The following TOGARAM2 variants were observed in gnomAD, a reference collection of about 807,000 sequenced individuals.
TOGARAM2 encodes the protein TOG array regulator of axonemal microtubules protein 2.
TOGARAM2 carries 85 observed loss-of-function variants against 93.3 expected under a neutral mutation model. The observed-to-expected ratio is 0.91, with a 90% CI of 0.76 to 1.09. The LOEUF (loss-of-function observed/expected upper bound fraction) is 1.09, where lower values mean the gene tolerates loss of function less well. TOGARAM2 is among the 50% of genes least tolerant of loss of function. The pLI is 0.00. For missense variants in TOGARAM2, 1,277 were observed against 1,334.5 expected (o/e 0.96, Z 0.67); for synonymous variants, 593 against 552.8 (o/e 1.07, Z -1.02).
intron 19 of TOGARAM2, chr2:29,048,449 T>C (rs916442376): frequency 6.6e-6 from 1 of 152,196 alleles, no homozygotes; most frequent in Non-Finnish European, 1.5e-5. Context: ...TCTTCCGAAC[T>C]GTTACCTTGC....
intron 1 of TOGARAM2, among the ~76,000 whole-genome samples, chr2:28,966,271 G>T (rs547851866): frequency 6.6e-6 from 1 of 151,948 alleles, no homozygotes; most frequent in African/African-American, 2.4e-5. Flanking sequence ...GATTACAGGC[G>T]TGAGCTTATT....
chr2:29,052,022 A>C lies in TOGARAM2; in HGVS notation c.2989A>C (p.Lys997Gln). 1 of 1,612,830 alleles carries C rather than the reference A, an allele frequency of 6.2e-7. No homozygotes were observed. The highest frequency in any genetic ancestry group is 8.5e-7 in the Non-Finnish European group (1 of 1,179,356). ...LDSESLGGSRKATDRGVAPDS... is the reference protein window; with the variant it reads ...LDSESLGGSRQATDRGVAPDS... ...CTCAGAGTCCTTGGGAGGCAGCCGCAAGGCCACTGACAGAGGGGTGGCCCC... is the reference window on the plus strand; with the variant it reads ...CTCAGAGTCCTTGGGAGGCAGCCGCCAGGCCACTGACAGAGGGGTGGCCCC... Residue 997 changes from lysine (K) to glutamine (Q), a missense_variant, in exon 20 of 20, where the codon AAG becomes CAG. Transcript: ENST00000379558.
Position 29,003,645 on chromosome 2 carries a change from C to G in TOGARAM2, c.793C>G (p.Gln265Glu), listed in dbSNP as rs751473958. ...GSLPSPLPPGQGVLTGLRAPR... is the reference protein window; with the variant it reads ...GSLPSPLPPGEGVLTGLRAPR... ...CCTTCCCAGCCCGTTACCTCCAGGC[C>G]AGGGAGTCCTCACAGGCCTGAGGGC... is the stretch of plus-strand genomic sequence containing the variant. The change falls in exon 6 of 20, where the codon CAG becomes GAG. Residue 265 changes from glutamine to glutamate, a missense_variant. Coordinates refer to ENST00000379558, the MANE Select transcript of TOGARAM2 (RefSeq NM_199280.4). 1.9e-6 allele frequency: 3 copies of G among 1,589,514 alleles called. No individual in the cohort carries two copies. Among genetic ancestry groups the G allele is most frequent in the Admixed American group, 1.8e-5 (1 of 56,554 alleles).
chr2:28,969,545 G>A (rs2148220871), intron 1 of TOGARAM2, among the ~76,000 whole-genome samples: 3 of 152,278 alleles, frequency 2.0e-5, no homozygotes, highest in East Asian at 1.9e-4. Flanking sequence ...ATGACATCTT[G>A]GAGTACAAGA....
intron 14 of TOGARAM2, among the ~76,000 whole-genome samples, chr2:29,029,142 T>C (rs368368544): frequency 3.2e-4 from 48 of 152,192 alleles, no homozygotes; most frequent in African/African-American, 1.1e-3. Flanking sequence ...AAAAGATACT[T>C]GTTCACGCAT....
At chr2:28,980,771 G>A (rs1361655705), upstream of TOGARAM2, among the ~76,000 whole-genome samples, 1 of 152,222 alleles carries the variant, frequency 6.6e-6, no homozygotes, top group Non-Finnish European at 1.5e-5. Context: ...AGCCTACCAA[G>A]TGCTAGACAA....
At chr2:28,990,160 T>C (rs1161243945) in intron 1 of TOGARAM2, among the ~76,000 whole-genome samples, 1 of 152,154 alleles carries the variant, frequency 6.6e-6, no homozygotes, top group Non-Finnish European at 1.5e-5. Context: ...CAGCACGAGA[T>C]ACAGGAAGGC....
At chr2:28,981,099 G>T (rs1383802634), upstream of TOGARAM2, among the ~76,000 whole-genome samples, 1 of 152,212 alleles carries the variant, frequency 6.6e-6, no homozygotes, top group African/African-American at 2.4e-5. Context: ...CTTCCTGGCT[G>T]CAGTCACCAG....
intron 1 of TOGARAM2, among the ~76,000 whole-genome samples, chr2:28,967,338 G>A (rs2148218580): frequency 6.6e-6 from 1 of 152,240 alleles, no homozygotes; most frequent in African/African-American, 2.4e-5. Context: ...AGCCATGCAT[G>A]GTGGAGTGCA....
intron 1 of TOGARAM2, among the ~76,000 whole-genome samples, chr2:28,970,781 G>A (rs530982623): frequency 1.5e-4 from 23 of 152,160 alleles, no homozygotes; most frequent in Admixed American, 6.5e-5. Context: ...CTGTGGCTCC[G>A]AGGGAGTGCA....
upstream of TOGARAM2, among the ~76,000 whole-genome samples, chr2:28,980,334 C>T (rs892968489): frequency 4.6e-5 from 7 of 152,344 alleles, no homozygotes; most frequent in South Asian, 4.1e-4. Context: ...GGAGCTACCC[C>T]GTGTGCAAGC....
chr2:29,005,310 G>GGTGC (rs148867680), intron 6 of TOGARAM2, among the ~76,000 whole-genome samples: 2 of 138,370 alleles, frequency 1.4e-5, no homozygotes, highest in Non-Finnish European at 3.1e-5. Flanking sequence ...GTGTGTGTGG[G>GGTGC]GTATGTGTGC....
chr2:29,044,927 A>AG (rs1666651663), intron 18 of TOGARAM2, among the ~76,000 whole-genome samples: 1 of 151,578 alleles, frequency 6.6e-6, no homozygotes, highest in African/African-American at 2.4e-5. Context: ...CATCTCTATT[A>AG]TCTATCTTCT....
At chr2:29,016,910 T>C (rs1054674642) in intron 8 of TOGARAM2, among the ~76,000 whole-genome samples, 6 of 152,262 alleles carry the variant, frequency 3.9e-5, no homozygotes, top group African/African-American at 1.4e-4. Flanking sequence ...AGGGACCTTC[T>C]AGGCTAAAAG....
At position 29,033,012 on chromosome 2, in the gene TOGARAM2, T is replaced by C; in HGVS notation, c.2091T>C (p.Ser697=). The change falls in exon 15 of 20, where the codon TCT becomes TCC. Residue 697 remains serine, a synonymous_variant. Coordinates refer to ENST00000379558, the MANE Select transcript of TOGARAM2 (RefSeq NM_199280.4). ...CATTTCTGAAGCAATCTCTCCCATC[T>C]TACGACTTGCAGAAGGTCATGGCGG... ...FDAFLKQSLP[S]YDLQKVMAAI... 1.2e-6 allele frequency: 2 copies of C among 1,613,930 alleles called. No individual in the cohort carries two copies. Among genetic ancestry groups the C allele is most frequent in the African/African-American group, 2.7e-5 (2 of 75,054 alleles).
At chr2:28,995,268 A>G (rs1298849897) in intron 2 of TOGARAM2, among the ~76,000 whole-genome samples, 1 of 152,230 alleles carries the variant, frequency 6.6e-6, no homozygotes, top group African/African-American at 2.4e-5. Context: ...GTGTGTGGCC[A>G]GTTAGCATCA....
chr2:29,010,095 C>A (rs1482262411), intron 6 of TOGARAM2, among the ~76,000 whole-genome samples: 1 of 151,872 alleles, frequency 6.6e-6, no homozygotes. Flanking sequence ...AGCTCAGGGC[C>A]CCAGGGGCAA....
chr2:29,000,238 C>T (rs1673215911), intron 4 of TOGARAM2, among the ~76,000 whole-genome samples: 1 of 152,132 alleles, frequency 6.6e-6, no homozygotes, highest in African/African-American at 2.4e-5. Flanking sequence ...CTAGGAGGCT[C>T]TCAAGAAACG....
chr2:29,010,870 G>T, intron 6 of TOGARAM2, among the ~76,000 whole-genome samples: 1 of 152,180 alleles, frequency 6.6e-6, no homozygotes, highest in Non-Finnish European at 1.5e-5. Context: ...ACCAGTGCCA[G>T]GGATGCCACT....
Sources: allele counts gnomAD v4.1 joint callset (sites outside exome capture counted in the v4.1 genomes callset), GRCh38; gene constraint gnomAD v4.1.1; transcripts MANE v1.5; gene names NCBI Gene and HGNC (gene_info 2026-07-23, HGNC 2026-07-21).